Variants in CEP162 observed in about 807,000 individuals in gnomAD.
CEP162 encodes centrosomal protein of 162 kDa.
CEP162 carries 141 observed loss-of-function variants against 169.2 expected under a neutral mutation model. That is an observed-to-expected ratio of 0.83 (90% CI 0.73 to 0.96). CEP162 has a LOEUF of 0.96. Ranked by LOEUF, CEP162 falls within the 40% of genes least tolerant of loss-of-function variation. The probability of loss-of-function intolerance (pLI) is 0.00; values close to 1 mark genes in which losing one functional copy is unlikely to be tolerated. For synonymous variants in CEP162, 540 were observed against 526.4 expected, an observed-to-expected ratio of 1.03 and a Z score of -0.35; for missense variants, 1,600 against 1,587.2, an observed-to-expected ratio of 1.01 and a Z score of -0.14.
At chr6:84,128,611 T>C (rs1426406422) in intron 25 of CEP162, among the ~76,000 whole-genome samples, 2 of 152,272 alleles carry the variant, frequency 1.3e-5, no homozygotes, top group East Asian at 3.9e-4. Flanking sequence ...GGAATAATAG[T>C]AGTAACTACT....
chr6:84,174,225 G>A (rs1246042981), intron 15 of CEP162, 37 bp from the exon 16 acceptor site: 1 of 1,554,082 alleles, frequency 6.4e-7, no homozygotes, highest in East Asian at 2.3e-5. Context: ...ATTTGGGGAA[G>A]GAAATGATAA....
chr6:84,198,531 C>T (rs1364203913), intron 9 of CEP162, among the ~76,000 whole-genome samples: 1 of 152,110 alleles, frequency 6.6e-6, no homozygotes, highest in African/African-American at 2.4e-5. Flanking sequence ...CTGCCCGCTC[C>T]GGCCTCCTAA....
chr6:84,226,398 A>G lies in CEP162; in HGVS notation c.-5T>C. The G allele has an allele frequency of 6.4e-7, 1 of 1,565,324 alleles. No individual in the cohort carries two copies. Among genetic ancestry groups the G allele is most frequent in the African/African-American group, 1.3e-5 (1 of 74,272 alleles). On this transcript the variant is annotated 5_prime_UTR_variant, in exon 2 of 27. The change abolishes the stop of an existing upstream ORF in the 5' untranslated region. Transcript: ENST00000403245. ...TTCTTGGGAACAGTTAGCCATAGTC[A>G]ACAATTTTGACCTCCCAAAGTAAAC...
At chr6:84,126,534 A>T in intron 25 of CEP162, 22 bp from the exon 26 acceptor site, 7 of 1,462,522 alleles carry the variant, frequency 4.8e-6, no homozygotes, top group Non-Finnish European at 6.4e-6. Context: ...ATATGAAGCA[A>T]ATGAAAAACT....
rs1018999994 is a variant in CEP162 at position 84,124,603 on chromosome 6, C to T, written c.*467G>A. The T allele has an allele frequency of 4.5e-5, 8 of 178,960 alleles. No homozygotes were observed. The highest frequency in any genetic ancestry group is 8.0e-5 in the Non-Finnish European group (7 of 87,958). 11.1% of individuals were successfully genotyped at this position (178,960 alleles called of 1,614,324 possible). A position where few individuals can be genotyped will look rare whatever the true frequency, so the allele number is the denominator to read the frequency against. ...GGGAAAGAGTGTGAGCGGCAGTAAG[C>T]GTTGAAAAATTACCTGTTGGGTACA... On this transcript the variant is annotated 3_prime_UTR_variant, in exon 27 of 27. Coordinates refer to ENST00000403245, the MANE Select transcript of CEP162 (RefSeq NM_014895.4).
chr6:84,221,251 ATTAG>A, intron 2 of CEP162, 80 bp from the exon 3 acceptor site: 1 of 713,248 alleles, frequency 1.4e-6, no homozygotes, highest in Non-Finnish European at 2.5e-6. Context: ...GCATGTTTCT[ATTAG>A]TTCGCTCACA....
intron 22 of CEP162, among the ~76,000 whole-genome samples, chr6:84,153,428 T>C (rs1239160608): frequency 6.6e-6 from 1 of 152,210 alleles, no homozygotes; most frequent in Non-Finnish European, 1.5e-5. Context: ...ACTATTAACT[T>C]ACATATGTTC....
chr6:84,185,025 T>C (rs2099536487), intron 13 of CEP162, among the ~76,000 whole-genome samples, 162 bp downstream of exon 13: 1 of 151,820 alleles, frequency 6.6e-6, no homozygotes, highest in South Asian at 2.1e-4. Flanking sequence ...TTCTAATATG[T>C]CCTTATCTAA....
chr6:84,223,908 G>GA (rs796116679), intron 2 of CEP162, among the ~76,000 whole-genome samples: 120 of 132,648 alleles, frequency 9.0e-4, no homozygotes, highest in Middle Eastern at 4.0e-3. Context: ...TCAGTCTCAA[G>GA]AAAAAAAAAA....
chr6:84,209,384 T>C (rs2099548567), intron 6 of CEP162, among the ~76,000 whole-genome samples: 1 of 152,070 alleles, frequency 6.6e-6, no homozygotes, highest in South Asian at 2.1e-4. Flanking sequence ...TTTTTTTTTT[T>C]TTTTCTTGAG....
At chr6:84,149,793 G>A in intron 23 of CEP162, 90 bp from the exon 24 acceptor site, 6 of 1,150,902 alleles carry the variant, frequency 5.2e-6, no homozygotes, top group African/African-American at 1.6e-5. Flanking sequence ...AGAAACCTGG[G>A]AATTAAGCAA....
chr6:84,206,795 G>C (rs1243122202), intron 6 of CEP162, among the ~76,000 whole-genome samples: 1 of 152,108 alleles, frequency 6.6e-6, no homozygotes, highest in Non-Finnish European at 1.5e-5. Context: ...CCTACAGAAT[G>C]GGAGAAAATT....
intron 9 of CEP162, among the ~76,000 whole-genome samples, chr6:84,200,558 T>C (rs2099544057): frequency 6.6e-6 from 1 of 152,230 alleles, no homozygotes. Context: ...ACAGCATTTA[T>C]TCATTTATTA....
chr6:84,152,812 T>C lies in CEP162; in HGVS notation c.3362A>G (p.Asn1121Ser). 6.2e-7 allele frequency: 1 copy of C among 1,613,664 alleles called. No individual in the cohort carries two copies. The highest frequency in any genetic ancestry group is 1.1e-5 in the South Asian group (1 of 91,076). ...LQKDRRMMLS[N>S]QNSKGREEMS... Reference sequence around the variant, plus strand: ...TTCCTCTCTGCCCTTTGAGTTCTGATTTGATAGCATCATTCTTCTGTCTTT... The same window carrying C: ...TTCCTCTCTGCCCTTTGAGTTCTGACTTGATAGCATCATTCTTCTGTCTTT... Residue 1121 changes from asparagine to serine, a missense_variant, in exon 23 of 27, where the codon AAT becomes AGT. Physicochemically the swap from Asn to Ser is conservative, Grantham distance 46 (BLOSUM62 1). Transcript: ENST00000403245.
At chr6:84,152,444 G>A (rs1035582323) in intron 23 of CEP162, 101 bp downstream of exon 23, 3 of 601,704 alleles carry the variant, frequency 5.0e-6, no homozygotes, top group South Asian at 7.2e-5. Context: ...TATGAATTCA[G>A]TTCGGGGTCA....
In CEP162 at chr6:84,174,854, ATT is replaced by A; in HGVS notation, c.1896_1897del (p.Ile633Ter). On this transcript the variant is annotated frameshift_variant, in exon 15 of 27. Coordinates refer to ENST00000403245, the MANE Select transcript of CEP162 (RefSeq NM_014895.4). LOFTEE classifies it high-confidence loss of function. ...TGAGAATGTGGCTTTAATTTGCTCAATTAGGGCTTGCGCACCCCTCCATTTAT... is the reference window on the plus strand; with the variant it reads ...TGAGAATGTGGCTTTAATTTGCTCAAAGGGCTTGCGCACCCCTCCATTTAT... 2 of 1,529,412 alleles carry A rather than the reference ATT, an allele frequency of 1.3e-6. No homozygotes were observed. The highest frequency in any genetic ancestry group is 1.8e-6 in the Non-Finnish European group (2 of 1,122,660). The allele number at this position is 1,529,412 out of a possible 1,614,324, so 94.7% of individuals were successfully genotyped here.
rs1360054141 is a variant in CEP162 at position 84,174,793 on chromosome 6, T to C, written c.1959A>G (p.Glu653=). 6.3e-7 allele frequency: 1 copy of C among 1,582,078 alleles called. No homozygotes were observed. Among genetic ancestry groups the C allele is most frequent in the African/African-American group, 1.3e-5 (1 of 74,552 alleles). Residue 653 remains glutamate, a synonymous_variant, in exon 15 of 27, where the codon GAA becomes GAG. Transcript: ENST00000403245. ...KEKELENKLE[E]LKKQQEKELF... is the part of the protein sequence containing the mutation. Reference sequence around the variant, plus strand: ...GTTCTTTTTCCTGTTGTTTCTTTAGTTCTTCCAACTTATTTTCTAGTTCTT... The same window carrying C: ...GTTCTTTTTCCTGTTGTTTCTTTAGCTCTTCCAACTTATTTTCTAGTTCTT...
At chr6:84,126,621 C>T (rs2099509033) in intron 25 of CEP162, 109 bp from the exon 26 acceptor site, 1 of 717,390 alleles carries the variant, frequency 1.4e-6, no homozygotes, top group Non-Finnish European at 2.1e-6. Flanking sequence ...GTAAGAGGCA[C>T]CTTGGATTGT....
chr6:84,221,666 TTCCAA>T (rs1371922172), intron 2 of CEP162, among the ~76,000 whole-genome samples: 1 of 152,104 alleles, frequency 6.6e-6, no homozygotes, highest in Non-Finnish European at 1.5e-5. Flanking sequence ...TTTTCTACTC[TTCCAA>T]TCCAATTTTT....
Sources: gnomAD v4.1 joint callset for allele counts (sites outside exome capture counted in the v4.1 genomes callset) on GRCh38, gnomAD v4.1.1 for gene constraint, MANE v1.5 for transcripts, NCBI Gene and HGNC (gene_info 2026-07-23, HGNC 2026-07-21) for gene names.